Variants in ZNF740 observed in about 807,000 individuals in gnomAD.
ZNF740 encodes oriLyt TD-element-binding protein 7.
Under a neutral mutation model 24.8 loss-of-function variants are expected in ZNF740, and 14 were observed. The observed-to-expected ratio is 0.56, with a 90% confidence interval of 0.37 to 0.88. The LOEUF (loss-of-function observed/expected upper bound fraction) is 0.88, where lower values mean the gene tolerates loss of function less well. Ranked by LOEUF, ZNF740 falls within the 40% of genes least tolerant of loss-of-function variation. The pLI is 0.00. For missense variants in ZNF740, 201 were observed against 247.9 expected, an observed-to-expected ratio of 0.81 and a Z score of 1.27; for synonymous variants, 69 against 84.0, an observed-to-expected ratio of 0.82 and a Z score of 0.98.
At chr12:53,186,826 G>C (rs1160639232) in intron 6 of ZNF740, 4 of 209,564 alleles carry the variant, frequency 1.9e-5, no homozygotes, top group African/African-American at 6.8e-5. Flanking sequence ...CTTATTTCAC[G>C]TATGGGAAAA....
rs376731180 is a variant in ZNF740, at chr12:53,187,635, G to A, written c.*45G>A. The A allele has an allele frequency of 9.4e-6, 14 of 1,491,484 alleles. No homozygotes were observed. The highest frequency in any genetic ancestry group is 2.3e-5 in the East Asian group (1 of 43,986). The allele number at this position is 1,491,484 out of a possible 1,614,324, so 92.4% of individuals were successfully genotyped here. On this transcript the variant is annotated 3_prime_UTR_variant, in exon 7 of 7. Transcript: ENST00000416904. ...GTGGGAGTGATCAGAAGAACCTGCC[G>A]AAGAGCACACCCCCTCTGGTCTGAT...
Position 53,191,218 on chromosome 12 carries a change from C to G in ZNF740, c.*3628C>G, listed in dbSNP as rs1941931528. On this transcript the variant is annotated 3_prime_UTR_variant, in exon 7 of 7. Transcript: ENST00000416904. ...CACATTCGCGCTTGGGCACCTCTCCCTGCCCTCAGGTGGCAAGAGGAGGAT... is the reference window on the plus strand; with the variant it reads ...CACATTCGCGCTTGGGCACCTCTCCGTGCCCTCAGGTGGCAAGAGGAGGAT... 8 of 325,018 alleles carry G rather than the reference C, an allele frequency of 2.5e-5. No homozygotes were observed. Among genetic ancestry groups the G allele is most frequent in the South Asian group, 6.1e-5 (2 of 32,642 alleles). The allele number at this position is 325,018 out of a possible 1,614,324, so 20.1% of individuals were successfully genotyped here.
rs570760616 is a variant in ZNF740 at position 53,193,979 on chromosome 12, C to T, written c.*6389C>T. Reference sequence around the variant, plus strand: ...CCCAAACTCACCAATCATCCAGAACCTCACCCCTTAGTAAATGAAGGGATG... The same window carrying T: ...CCCAAACTCACCAATCATCCAGAACTTCACCCCTTAGTAAATGAAGGGATG... On this transcript the variant is annotated 3_prime_UTR_variant, in exon 7 of 7. Coordinates refer to ENST00000416904, the MANE Select transcript of ZNF740 (RefSeq NM_001004304.4). 3 of 1,419,044 alleles carry T rather than the reference C, an allele frequency of 2.1e-6. No homozygotes were observed. The East Asian group carries it at 6.9e-5, about 33-fold the overall frequency. The allele number at this position is 1,419,044 out of a possible 1,614,324, so 87.9% of individuals were successfully genotyped here. A position where few individuals can be genotyped will look rare whatever the true frequency, so the allele number is the denominator to read the frequency against.
At chr12:53,187,331 C>T (rs918708644) in intron 6 of ZNF740, among the ~76,000 whole-genome samples, 170 bp from the exon 7 acceptor site, 8 of 152,180 alleles carry the variant, frequency 5.3e-5, no homozygotes, top group African/African-American at 1.7e-4. Context: ...GATTCAGCCC[C>T]AGGCGGTCTG....
intron 5 of ZNF740, 64 bp from the exon 6 acceptor site, chr12:53,186,327 A>G: frequency 7.0e-7 from 1 of 1,426,486 alleles, no homozygotes; most frequent in Non-Finnish European, 9.6e-7. Flanking sequence ...TTTCTGAGAA[A>G]ACTGGAATGA....
In ZNF740 at chr12:53,193,418, C is replaced by T. The variant is rs1363751086; in HGVS notation, c.*5828C>T. 2 of 1,304,014 alleles carry T rather than the reference C, an allele frequency of 1.5e-6. No individual in the cohort carries two copies. Among genetic ancestry groups the T allele is most frequent in the Non-Finnish European group, 2.1e-6 (2 of 962,078 alleles). The allele number at this position is 1,304,014 out of a possible 1,614,324, so 80.8% of individuals were successfully genotyped here. On this transcript the variant is annotated 3_prime_UTR_variant, in exon 7 of 7. Transcript: ENST00000416904. ...GGTCAGAGGGTTTGATCACCCCTGA[C>T]TTGTCTCTCCCAGGAACCTCTAAAC...
Position 53,193,224 on chromosome 12 carries a change from AGC to A in ZNF740, c.*5636_*5637del. 3 of 1,614,154 alleles carry A rather than the reference AGC, an allele frequency of 1.9e-6. No individual in the cohort carries two copies. The highest frequency in any genetic ancestry group is 2.5e-6 in the Non-Finnish European group (3 of 1,180,014). On this transcript the variant is annotated 3_prime_UTR_variant, in exon 7 of 7. Coordinates refer to ENST00000416904, the MANE Select transcript of ZNF740 (RefSeq NM_001004304.4). ...CCAGAGCTCTGTCCACTGCAGCTGC[AGC>A]GTCCACATTGACAGTGACCCTTTCC...
In ZNF740 at chr12:53,187,510, C is replaced by T. The variant is rs746656723; in HGVS notation, c.502C>T (p.Arg168Trp). Residue 168 changes from arginine to tryptophan, a missense_variant, in exon 7 of 7, where the codon CGG becomes TGG. By Grantham distance (101) the Arg-to-Trp change is moderately radical. This residue lies in a region of ZNF740 where 60 missense variants were observed against 107.8 expected (regional missense o/e 0.56). Coordinates refer to ENST00000416904, the MANE Select transcript of ZNF740 (RefSeq NM_001004304.4). Reference sequence around the variant, plus strand: ...CTCCCTTTCTTCTCAGTGTTTTTCTCGGACAGATCGATTACTCAGACACAA... The same window carrying T: ...CTCCCTTTCTTCTCAGTGTTTTTCTTGGACAGATCGATTACTCAGACACAA... ...QCERCHQCFS[R>W]TDRLLRHKRM... 4 of 1,613,920 alleles carry T rather than the reference C, an allele frequency of 2.5e-6. No individual in the cohort carries two copies. Among genetic ancestry groups the T allele is most frequent in the Non-Finnish European group, 2.5e-6 (3 of 1,179,828 alleles).
Position 53,192,755 on chromosome 12 carries a change from C to T in ZNF740, c.*5165C>T. The T allele has an allele frequency of 6.2e-7, 1 of 1,614,254 alleles. No homozygotes were observed. The highest frequency in any genetic ancestry group is 8.5e-7 in the Non-Finnish European group (1 of 1,180,052). On this transcript the variant is annotated 3_prime_UTR_variant, in exon 7 of 7. Transcript: ENST00000416904. The stretch of plus-strand genomic sequence containing the variant: ...TCGCATAGAGCACCATAGTAGCCGT[C>T]CAAGCACTGGCAGCGGTTGCATTTG...
chr12:53,193,396 CAG>C lies in ZNF740; in HGVS notation c.*5809_*5810del, dbSNP rs760984381. The C allele has an allele frequency of 6.8e-7, 1 of 1,477,054 alleles. No homozygotes were observed. The highest frequency in any genetic ancestry group is 1.4e-5 in the African/African-American group (1 of 71,326). 91.5% of individuals were successfully genotyped at this position (1,477,054 alleles called of 1,614,324 possible). A position where few individuals can be genotyped will look rare whatever the true frequency, so the allele number is the denominator to read the frequency against. On this transcript the variant is annotated 3_prime_UTR_variant, in exon 7 of 7. Coordinates refer to ENST00000416904, the MANE Select transcript of ZNF740 (RefSeq NM_001004304.4). ...GGGAAGGCAAAGGAGAGAAGTAGGT[CAG>C]AGGGTTTGATCACCCCTGACTTGTC...
At position 53,191,604 on chromosome 12, in the gene ZNF740, C is replaced by A. The variant is rs150910345; in HGVS notation, c.*4014C>A. Reference sequence around the variant, plus strand: ...CTTGAAAGCGAGGATTGATGGTGGTCGTGATGGCACTTTTGTAGAGAGGAT... The same window carrying A: ...CTTGAAAGCGAGGATTGATGGTGGTAGTGATGGCACTTTTGTAGAGAGGAT... On this transcript the variant is annotated 3_prime_UTR_variant, in exon 7 of 7. Coordinates refer to ENST00000416904, the MANE Select transcript of ZNF740 (RefSeq NM_001004304.4). The A allele has an allele frequency of 4.3e-6, 7 of 1,613,622 alleles. No homozygotes were observed. In the African/African-American group the frequency reaches 6.7e-5, roughly 15 times the overall value.
In ZNF740 at chr12:53,192,855, T is replaced by C. The variant is rs138972554; in HGVS notation, c.*5265T>C. On this transcript the variant is annotated 3_prime_UTR_variant, in exon 7 of 7. Transcript: ENST00000416904. ...CCATGTCCCCACTGCATTCGCATGC[T>C]CTGCCCGTGCGGTTGGCATGACAGT... The C allele has an allele frequency of 6.2e-7, 1 of 1,614,196 alleles. No homozygotes were observed. The highest frequency in any genetic ancestry group is 8.5e-7 in the Non-Finnish European group (1 of 1,180,040).
Position 53,187,673 on chromosome 12 carries a change from G to A in ZNF740, c.*83G>A, listed in dbSNP as rs184223243. On this transcript the variant is annotated 3_prime_UTR_variant, in exon 7 of 7. Transcript: ENST00000416904. ...CCTCTGGTCTGATGGTCCCACCACCGCCCCATGTGAACCTGTCCCACTCCT... is the reference window on the plus strand; with the variant it reads ...CCTCTGGTCTGATGGTCCCACCACCACCCCATGTGAACCTGTCCCACTCCT... The A allele has an allele frequency of 4.8e-5, 54 of 1,129,622 alleles. No individual in the cohort carries two copies. The African/African-American group carries it at 6.9e-4, about 14-fold the overall frequency. 70.0% of individuals were successfully genotyped at this position (1,129,622 alleles called of 1,614,324 possible). A position where few individuals can be genotyped will look rare whatever the true frequency, so the allele number is the denominator to read the frequency against.
rs1032937200 is a variant in ZNF740 at position 53,191,033 on chromosome 12, A to C, written c.*3443A>C. ...CAAAAACAGGGCATCAGTTCTGAGC[A>C]AGACGAAAAAGCACACGCAGCAGGA... is the stretch of plus-strand genomic sequence containing the variant. On this transcript the variant is annotated 3_prime_UTR_variant, in exon 7 of 7. Coordinates refer to ENST00000416904, the MANE Select transcript of ZNF740 (RefSeq NM_001004304.4). The C allele has an allele frequency of 2.6e-4, 46 of 177,162 alleles. No homozygotes were observed. The highest frequency in any genetic ancestry group is 1.0e-3 in the African/African-American group (43 of 42,596). The allele number at this position is 177,162 out of a possible 1,614,324, so 11.0% of individuals were successfully genotyped here.
chr12:53,186,172 A>G, intron 5 of ZNF740, 95 bp downstream of exon 5: 4 of 1,445,600 alleles, frequency 2.8e-6, no homozygotes, highest in Non-Finnish European at 3.8e-6. Context: ...TTTAATGGGT[A>G]AGTATTAGAA....
Position 53,192,538 on chromosome 12 carries a change from C to G in ZNF740, c.*4948C>G. ...TGAAGGCCCCACACTCTGCACAGTCCCTGTGTAGTAGATGCCAATAGGTTA... is the reference window on the plus strand; with the variant it reads ...TGAAGGCCCCACACTCTGCACAGTCGCTGTGTAGTAGATGCCAATAGGTTA... On this transcript the variant is annotated 3_prime_UTR_variant, in exon 7 of 7. Coordinates refer to ENST00000416904, the MANE Select transcript of ZNF740 (RefSeq NM_001004304.4). The G allele has an allele frequency of 6.2e-7, 1 of 1,613,722 alleles. No homozygotes were observed.
rs1942046973 is a variant in ZNF740, at chr12:53,193,580, GA to G, written c.*5993del. ...ACATACATGGGAAGCTTCAAGGGAT[GA>G]AACTGAGTGGGGAGTCGGGATGTCG... On this transcript the variant is annotated 3_prime_UTR_variant, in exon 7 of 7. Transcript: ENST00000416904. 5.6e-6 allele frequency: 5 copies of G among 891,800 alleles called. No individual in the cohort carries two copies. Among genetic ancestry groups the G allele is most frequent in the Admixed American group, 5.8e-5 (2 of 34,410 alleles). 55.2% of individuals were successfully genotyped at this position (891,800 alleles called of 1,614,324 possible).
At position 53,191,576 on chromosome 12, in the gene ZNF740, C is replaced by T. The variant is rs1941944933; in HGVS notation, c.*3986C>T. The T allele has an allele frequency of 6.2e-7, 1 of 1,613,146 alleles. No homozygotes were observed. Among genetic ancestry groups the T allele is most frequent in the Non-Finnish European group, 8.5e-7 (1 of 1,179,106 alleles). On this transcript the variant is annotated 3_prime_UTR_variant, in exon 7 of 7. Coordinates refer to ENST00000416904, the MANE Select transcript of ZNF740 (RefSeq NM_001004304.4). ...CTCCTTCAGAGAGTGGGACTGTCTGCCTCTTGAAAGCGAGGATTGATGGTG... is the reference window on the plus strand; with the variant it reads ...CTCCTTCAGAGAGTGGGACTGTCTGTCTCTTGAAAGCGAGGATTGATGGTG...
intron 2 of ZNF740, 109 bp downstream of exon 2, chr12:53,182,101 C>G: frequency 3.4e-6 from 5 of 1,450,714 alleles, no homozygotes; most frequent in Non-Finnish European, 4.7e-6. Flanking sequence ...GATCCAAGCT[C>G]TGTATTAAGC....
Sources: gnomAD v4.1 joint callset for allele counts (sites outside exome capture counted in the v4.1 genomes callset) on GRCh38, gnomAD v4.1.1 for gene constraint, gnomAD v4.1.1 regional missense constraint, MANE v1.5 for transcripts, NCBI Gene and HGNC (gene_info 2026-07-23, HGNC 2026-07-21) for gene names.